CCDC40: variants seen among roughly 807,000 people sequenced by gnomAD.
CCDC40 encodes coiled-coil domain 40 molecular ruler complex subunit.
CCDC40 carries 104 observed loss-of-function variants against 124.5 expected under a neutral mutation model. The ratio of observed to expected loss-of-function variants is 0.84; its 90% CI spans 0.71 to 0.98. CCDC40 has a LOEUF of 0.98. Among genes scored for constraint, CCDC40 ranks in the 50% least tolerant of loss-of-function variants. CCDC40 has a pLI of 0.00. For missense variants in CCDC40, 1,463 were observed against 1,503.9 expected (o/e 0.97, Z 0.45); for synonymous variants, 580 against 602.9 (o/e 0.96, Z 0.56).
At chr17:80,056,014 A>ATTTTTTTTTTTTTTTT (rs1173801732) in intron 7 of CCDC40, among the ~76,000 whole-genome samples, 6 of 13,452 alleles carry the variant, frequency 4.5e-4, no homozygotes, top group East Asian at 6.1e-3. Context: ...ATATATATAT[A>ATTTTTTTTTTTTTTTT]TATTTTTTTT....
Position 80,088,046 on chromosome 17 carries a change from G to A in CCDC40, c.2655G>A (p.Lys885=). ...GGGAGACCATCAAGATGCAGGACAAGCTGAACCAGCTCAGCGAGGAGAAGG... is the reference window on the plus strand; with the variant it reads ...GGGAGACCATCAAGATGCAGGACAAACTGAACCAGCTCAGCGAGGAGAAGG... ...SERETIKMQD[K]LNQLSEEKAT... The change falls in exon 16 of 20, where the codon AAG becomes AAA. Residue 885 remains lysine, a synonymous_variant. Transcript: ENST00000397545. 6.2e-7 allele frequency: 1 copy of A among 1,611,448 alleles called. No homozygotes were observed. The highest frequency in any genetic ancestry group is 8.5e-7 in the Non-Finnish European group (1 of 1,178,720).
chr17:80,090,829 T>C, intron 17 of CCDC40: 10 of 1,176,390 alleles, frequency 8.5e-6, no homozygotes, highest in Non-Finnish European at 1.1e-5. Flanking sequence ...TAAATAGAAA[T>C]TCCTCTGCTG....
At chr17:80,054,668 T>C (rs957889193) in intron 7 of CCDC40, among the ~76,000 whole-genome samples, 5 of 152,202 alleles carry the variant, frequency 3.3e-5, no homozygotes, top group Non-Finnish European at 7.3e-5. Context: ...TTTTGTGCAT[T>C]ATATTTATAA....
At chr17:80,068,125 C>T (rs576823631) in intron 10 of CCDC40, 1 of 330,096 alleles carries the variant, frequency 3.0e-6, no homozygotes, top group Admixed American at 6.4e-5. Context: ...CCTCCGCCTC[C>T]TGGGTTCAAG....
In CCDC40 at chr17:80,081,965, C is replaced by T. The variant is rs886053534; in HGVS notation, c.1896C>T (p.Ile632=). ...TCAGGAGGAAGACGGATGCTGCCAT[C>T]CGGGAGAAGCTGCAGGAGCACATGA... is the stretch of plus-strand genomic sequence containing the variant. ...LELRRKTDAA[I]REKLQEHMTS... The change falls in exon 12 of 20, where the codon ATC becomes ATT. Residue 632 remains isoleucine (I), a synonymous_variant. Coordinates refer to ENST00000397545, the MANE Select transcript of CCDC40 (RefSeq NM_017950.4). 6.2e-7 allele frequency: 1 copy of T among 1,613,914 alleles called. No homozygotes were observed. Among genetic ancestry groups the T allele is most frequent in the South Asian group, 1.1e-5 (1 of 91,058 alleles).
chr17:80,065,649 G>A (rs201714847), intron 10 of CCDC40, 43 bp downstream of exon 10: 2 of 1,609,254 alleles, frequency 1.2e-6, no homozygotes, highest in Non-Finnish European at 1.7e-6. Context: ...GGGAACCCCA[G>A]GGGTCCGTGG....
chr17:80,095,912 G>C (rs756732312), intron 18 of CCDC40, among the ~76,000 whole-genome samples: 2 of 152,350 alleles, frequency 1.3e-5, no homozygotes, highest in East Asian at 1.9e-4. Flanking sequence ...TGATGGGAGC[G>C]GGGTGGGCGC....
In CCDC40 at chr17:80,081,717, C is replaced by G; in HGVS notation, c.1734C>G (p.Ala578=). Reference sequence around the variant, plus strand: ...CCCAGTGCCTGACCAAGCAGGTGGCCCTGCAGAGCCAGTTCAATACCTACA... The same window carrying G: ...CCCAGTGCCTGACCAAGCAGGTGGCGCTGCAGAGCCAGTTCAATACCTACA... ...LTTQCLTKQV[A]LQSQFNTYRL... Residue 578 remains alanine, a synonymous_variant, in exon 11 of 20, where the codon GCC becomes GCG. Transcript: ENST00000397545. 2 of 1,614,120 alleles carry G rather than the reference C, an allele frequency of 1.2e-6. No homozygotes were observed. The highest frequency in any genetic ancestry group is 1.7e-6 in the Non-Finnish European group (2 of 1,180,034).
chr17:80,076,838 TG>T (rs2038322292), intron 10 of CCDC40, among the ~76,000 whole-genome samples: 2 of 152,058 alleles, frequency 1.3e-5, no homozygotes, highest in Admixed American at 1.3e-4. Context: ...CTCTGCCTCT[TG>T]GGTTCAAGGG....
At chr17:80,037,260 A>C (rs941232155) in intron 1 of CCDC40, among the ~76,000 whole-genome samples, 3 of 152,186 alleles carry the variant, frequency 2.0e-5, no homozygotes, top group African/African-American at 7.2e-5. Flanking sequence ...CCTGGGTGGA[A>C]GCACTGAGCG....
intron 10 of CCDC40, among the ~76,000 whole-genome samples, chr17:80,072,025 G>A (rs908112963): frequency 6.6e-6 from 1 of 151,984 alleles, no homozygotes; most frequent in Non-Finnish European, 1.5e-5. Context: ...TTTTAAAAGA[G>A]ACGGGGTTTC....
Position 80,039,964 on chromosome 17 carries a change from G to C in CCDC40, c.246G>C (p.Glu82Asp). ...AAGCAGCAGTGGAAGGGGAAGAGGA[G>C]GCTGTGTCCTATGGAGATGCTGAAA... ...EGEAAVEGEEEAVSYGDAESE... is the reference protein window; with the variant it reads ...EGEAAVEGEEDAVSYGDAESE... Residue 82 changes from glutamate (E) to aspartate (D), a missense_variant, in exon 3 of 20, where the codon GAG (glutamate) becomes GAC (aspartate). Physicochemically the swap from Glu to Asp is conservative, Grantham distance 45. Transcript: ENST00000397545. 2.5e-6 allele frequency: 4 copies of C among 1,608,190 alleles called. No homozygotes were observed. Among genetic ancestry groups the C allele is most frequent in the Non-Finnish European group, 2.6e-6 (3 of 1,174,636 alleles).
rs1568674116 is a variant in CCDC40, at chr17:80,047,346, G to C, written c.620G>C (p.Ser207Thr). The C allele has an allele frequency of 1.2e-6, 2 of 1,613,834 alleles. No homozygotes were observed. The highest frequency in any genetic ancestry group is 2.2e-5 in the East Asian group (1 of 44,866). ...PMGVQHRFRL[S>T]HGSDIESSDL... is the part of the protein sequence containing the mutation. ...GGCGTCCAGCACCGCTTCCGGCTGA[G>C]CCACGGGAGCGACATCGAGTCCTCA... The change falls in exon 4 of 20, where the codon AGC (serine) becomes ACC (threonine). Residue 207 changes from serine to threonine, a missense_variant. By Grantham distance (58) the Ser-to-Thr change is moderately conservative (BLOSUM62 1). Transcript: ENST00000397545.
Position 80,058,479 on chromosome 17 carries a change from C to A in CCDC40, c.1160-15C>A. ...ACTCACTCTCTCTCTCTTTCTCCCC[C>A]GCCGCGCCCCGCAGTGGCGGCTCTG... On this transcript the variant is annotated splice_polypyrimidine_tract_variant and intron_variant, in intron 7 of 19. Transcript: ENST00000397545. The surrounding 1 kb of genome is among the most constrained non-coding windows in gnomAD (Gnocchi z 4.2). The A allele has an allele frequency of 3.7e-6, 6 of 1,612,854 alleles. No homozygotes were observed. Among genetic ancestry groups the A allele is most frequent in the Non-Finnish European group, 4.2e-6 (5 of 1,179,668 alleles).
intron 10 of CCDC40, among the ~76,000 whole-genome samples, chr17:80,072,157 A>G (rs1050858588): frequency 6.6e-6 from 1 of 152,066 alleles, no homozygotes; most frequent in African/African-American, 2.4e-5. Context: ...TGGACTTAGG[A>G]TATTTTCAAC....
chr17:80,037,688 A>AAAAAAAAT, intron 1 of CCDC40, among the ~76,000 whole-genome samples: 184 of 45,694 alleles, frequency 4.0e-3, no homozygotes, highest in Middle Eastern at 0.016. Context: ...TTTTTTAAAA[A>AAAAAAAAT]AGATATACAT....
chr17:80,044,400 C>T (rs553528451), intron 3 of CCDC40, among the ~76,000 whole-genome samples: 11 of 152,246 alleles, frequency 7.2e-5, no homozygotes, highest in African/African-American at 2.6e-4. Context: ...TCAACAACAA[C>T]AGGCCAGGCC....
At chr17:80,038,969 A>G (rs183324997) in intron 2 of CCDC40, among the ~76,000 whole-genome samples, 161 of 152,364 alleles carry the variant, frequency 1.1e-3, no homozygotes, top group Middle Eastern at 6.8e-3. Flanking sequence ...ACCCCATTCT[A>G]CAGTGTCAGT....
chr17:80,092,320 G>A (rs1211120855), intron 17 of CCDC40, among the ~76,000 whole-genome samples: 1 of 151,648 alleles, frequency 6.6e-6, no homozygotes, highest in East Asian at 1.9e-4. Flanking sequence ...ACAGGTGTGA[G>A]CCACTGTGCC....
Sources: gnomAD v4.1 joint callset for allele counts (sites outside exome capture counted in the v4.1 genomes callset) on GRCh38, gnomAD v4.1.1 for gene constraint, Gnocchi (gnomAD v3.1) non-coding constraint, MANE v1.5 for transcripts, NCBI Gene and HGNC (gene_info 2026-07-23, HGNC 2026-07-21) for gene names.